The following DHX40 variants were observed in gnomAD, a reference collection of about 807,000 sequenced individuals.
DHX40 encodes the protein DEAH-box helicase 40, also known as probable ATP-dependent RNA helicase DHX40.
In DHX40, 28 loss-of-function variants were observed where a neutral mutation model predicts 89.6. The observed-to-expected ratio is 0.31, with a 90% CI of 0.23 to 0.43. DHX40 has a LOEUF of 0.43. Ranked by LOEUF, DHX40 falls within the 20% of genes least tolerant of loss-of-function variation. The pLI is 1.00. For missense variants in DHX40, 457 were observed against 844.0 expected, an observed-to-expected ratio of 0.54 and a Z score of 5.68; for synonymous variants, 226 against 283.6, an observed-to-expected ratio of 0.80 and a Z score of 2.04.
chr17:59,566,964 G>A (rs2048714309), intron 2 of DHX40, among the ~76,000 whole-genome samples, 170 bp downstream of exon 2: 1 of 151,970 alleles, frequency 6.6e-6, no homozygotes, highest in South Asian at 2.1e-4. Context: ...TCTATTTCAG[G>A]TTCAAGAATT....
intron 2 of DHX40, among the ~76,000 whole-genome samples, chr17:59,567,328 T>A (rs2048720932): frequency 6.6e-6 from 1 of 152,214 alleles, no homozygotes. Context: ...TTACTCATAC[T>A]GAAGTTCCAC....
At chr17:59,571,457 CAA>C (rs111317491) in intron 3 of DHX40, among the ~76,000 whole-genome samples, 8,583 of 136,376 alleles carry the variant, frequency 0.063, 684 homozygotes, top group African/African-American at 0.19. Context: ...AACTCCACCT[CAA>C]AAAAAAAAAA....
chr17:59,578,915 T>C (rs1281777779), intron 8 of DHX40, among the ~76,000 whole-genome samples: 3 of 132,018 alleles, frequency 2.3e-5, no homozygotes, highest in African/African-American at 8.0e-5. Flanking sequence ...ATTTTTGAGG[T>C]TCGTCCACAT....
intron 14 of DHX40, among the ~76,000 whole-genome samples, chr17:59,602,168 C>G (rs1451352559): frequency 1.3e-5 from 2 of 152,106 alleles, no homozygotes; most frequent in African/African-American, 4.8e-5. Context: ...CTTGGTCTTC[C>G]TGGACTCCCA....
At chr17:59,586,389 G>A (rs911811764) in intron 11 of DHX40, among the ~76,000 whole-genome samples, 156 bp downstream of exon 11, 1 of 152,014 alleles carries the variant, frequency 6.6e-6, no homozygotes, top group Non-Finnish European at 1.5e-5. Context: ...CCAGCCGGGC[G>A]CTGTGGCTCA....
Position 59,566,690 on chromosome 17 carries a change from G to C in DHX40, c.176G>C (p.Arg59Thr). 2 of 1,605,684 alleles carry C rather than the reference G, an allele frequency of 1.2e-6. No homozygotes were observed. Among genetic ancestry groups the C allele is most frequent in the Non-Finnish European group, 1.7e-6 (2 of 1,177,716 alleles). Residue 59 changes from arginine to threonine, a missense_variant, in exon 2 of 18, where the codon AGA becomes ACA. By Grantham distance (71) the Arg-to-Thr change is moderately conservative (BLOSUM62 -1). Coordinates refer to ENST00000251241, the MANE Select transcript of DHX40 (RefSeq NM_024612.5). ...TTPTFPIQKQ[R>T]KKIIQAVRDN... ...CCAACTTTTCCTATTCAGAAACAAA[G>C]AAAAAAGATTATTCAAGCTGTGAGG... is the stretch of plus-strand genomic sequence containing the variant.
intron 1 of DHX40, among the ~76,000 whole-genome samples, chr17:59,566,197 G>T (rs1351034196): frequency 6.6e-6 from 1 of 152,086 alleles, no homozygotes; most frequent in Non-Finnish European, 1.5e-5. Context: ...GATATCAGTC[G>T]CTCTGAACAG....
intron 3 of DHX40, among the ~76,000 whole-genome samples, chr17:59,571,803 C>G (rs572659658): frequency 1.3e-5 from 2 of 152,030 alleles, no homozygotes; most frequent in East Asian, 3.9e-4. Flanking sequence ...AAATTCCTGA[C>G]CTTGTGATCT....
chr17:59,601,201 T>C (rs998436860), intron 14 of DHX40, among the ~76,000 whole-genome samples: 1 of 151,490 alleles, frequency 6.6e-6, no homozygotes, highest in African/African-American at 2.4e-5. Context: ...TGTCAGTTAC[T>C]CAGCAGGGTG....
At chr17:59,585,393 C>G (rs1180582114) in intron 10 of DHX40, among the ~76,000 whole-genome samples, 1 of 146,356 alleles carries the variant, frequency 6.8e-6, no homozygotes, top group East Asian at 2.0e-4. Flanking sequence ...GAGTGAGACT[C>G]CGTCTCAAAA....
chr17:59,583,157 C>T (rs539413522), intron 10 of DHX40, among the ~76,000 whole-genome samples: 2 of 610 alleles, frequency 3.3e-3, no homozygotes, highest in African/African-American at 4.8e-3. Context: ...TTTAACAATA[C>T]TGCATTTGAT....
chr17:59,605,376 A>G (rs1023236370), intron 16 of DHX40, 70 bp from the exon 17 acceptor site: 19 of 1,480,420 alleles, frequency 1.3e-5, no homozygotes, highest in Non-Finnish European at 1.6e-5. Context: ...GATTTGGACT[A>G]TTTGGTTGGT....
intron 2 of DHX40, among the ~76,000 whole-genome samples, chr17:59,568,848 A>C (rs541632531): frequency 2.0e-3 from 300 of 149,666 alleles, no homozygotes; most frequent in Middle Eastern, 3.6e-3. Flanking sequence ...ATATATATAT[A>C]TATATAAATA....
intron 12 of DHX40, among the ~76,000 whole-genome samples, chr17:59,589,156 A>C (rs1280299123): frequency 6.7e-6 from 1 of 149,756 alleles, no homozygotes; most frequent in Non-Finnish European, 1.5e-5. Flanking sequence ...GGTCTTTTTC[A>C]TATAAACTTT....
intron 11 of DHX40, among the ~76,000 whole-genome samples, chr17:59,587,177 A>G (rs1308227682): frequency 6.6e-6 from 1 of 151,422 alleles, no homozygotes; most frequent in Admixed American, 6.6e-5. Context: ...AAACGGTAAA[A>G]TTGAAAAAAT....
In DHX40 at chr17:59,586,247, A is replaced by AG. The variant is rs1226038180; in HGVS notation, c.1424+14_1424+15insG. ...TGCTATTGACAGGTAAAAAAAAAAA[A>AG]AAAAAATCACAATCAAAACAGATAT... On this transcript the variant is annotated intron_variant, in intron 11 of 17. Coordinates refer to ENST00000251241, the MANE Select transcript of DHX40 (RefSeq NM_024612.5). 6.6e-7 allele frequency: 1 copy of AG among 1,525,796 alleles called. No individual in the cohort carries two copies. Among genetic ancestry groups the AG allele is most frequent in the Non-Finnish European group, 8.8e-7 (1 of 1,130,346 alleles). The allele number at this position is 1,525,796 out of a possible 1,614,324, so 94.5% of individuals were successfully genotyped here.
Position 59,607,427 on chromosome 17 carries a change from AT to A in DHX40, c.*259del. On this transcript the variant is annotated 3_prime_UTR_variant, in exon 18 of 18. Transcript: ENST00000251241. ...AATGAAAGACAGTACATGTAATAATATTTTCCTCAGTACAATTTTGCTGGCC... is the reference window on the plus strand; with the variant it reads ...AATGAAAGACAGTACATGTAATAATATTTCCTCAGTACAATTTTGCTGGCC... The A allele has an allele frequency of 1.5e-6, 1 of 670,446 alleles. No homozygotes were observed. Among genetic ancestry groups the A allele is most frequent in the African/African-American group, 1.8e-5 (1 of 55,224 alleles). The allele number at this position is 670,446 out of a possible 1,614,324, so 41.5% of individuals were successfully genotyped here.
intron 3 of DHX40, among the ~76,000 whole-genome samples, chr17:59,572,073 G>A (rs991780656): frequency 2.0e-5 from 3 of 152,212 alleles, no homozygotes; most frequent in Non-Finnish European, 4.4e-5. Flanking sequence ...ATCAGCAAGT[G>A]TTAAAGCATC....
chr17:59,572,321 C>T (rs533290639), intron 3 of DHX40, among the ~76,000 whole-genome samples: 4 of 152,162 alleles, frequency 2.6e-5, no homozygotes, highest in African/African-American at 4.8e-5. Flanking sequence ...TTATGGATGT[C>T]GTTGCTGTTA....
Sources: gnomAD v4.1 joint callset for allele counts (sites outside exome capture counted in the v4.1 genomes callset) on GRCh38, gnomAD v4.1.1 for gene constraint, MANE v1.5 for transcripts, NCBI Gene and HGNC (gene_info 2026-07-23, HGNC 2026-07-21) for gene names.